The following GABRA3 variants were observed in gnomAD, a reference collection of about 807,000 sequenced individuals.
The protein encoded by GABRA3 is gamma-aminobutyric acid receptor subunit alpha-3.
A neutral mutation model predicts 30.1 loss-of-function variants in GABRA3; 10 were observed. The ratio of observed to expected loss-of-function variants is 0.33; its 90% confidence interval spans 0.20 to 0.56. The LOEUF (loss-of-function observed/expected upper bound fraction) is 0.56, where lower values mean the gene tolerates loss of function less well. Ranked by LOEUF, GABRA3 falls within the 20% of genes least tolerant of loss-of-function variation. GABRA3 has a pLI of 0.89. For missense variants in GABRA3, 233 were observed against 392.0 expected (o/e 0.59, Z 3.42); for synonymous variants, 151 against 146.8 (o/e 1.03, Z -0.21).
At chrX:152,335,334 G>T (rs1940218273) in intron 3 of GABRA3, among the ~76,000 whole-genome samples, 2 of 111,962 alleles carry the variant, frequency 1.8e-5, no homozygotes, top group Admixed American at 1.9e-4. Context: ...GACCATAGAA[G>T]AGAGAGCATC....
At chrX:152,390,889 T>G (rs1162687642) in intron 1 of GABRA3, among the ~76,000 whole-genome samples, 1 of 111,958 alleles carries the variant, frequency 8.9e-6, no homozygotes, top group Non-Finnish European at 1.9e-5. Flanking sequence ...AAAAAGTGAT[T>G]TGTATATAAT....
chrX:152,235,369 G>A (rs1938178949), intron 5 of GABRA3, among the ~76,000 whole-genome samples: 1 of 111,145 alleles, frequency 9.0e-6, no homozygotes, highest in African/African-American at 3.3e-5. Flanking sequence ...TAGAGTCTCT[G>A]GGATTTTGCA....
intron 9 of GABRA3, among the ~76,000 whole-genome samples, chrX:152,180,422 T>C (rs1169697218): frequency 8.9e-6 from 1 of 112,187 alleles, no homozygotes; most frequent in African/African-American, 3.2e-5. Flanking sequence ...GTTGTTTGGG[T>C]TCCTTGTATA....
intron 1 of GABRA3, among the ~76,000 whole-genome samples, chrX:152,431,388 T>C (rs1409846326): frequency 2.7e-5 from 3 of 112,343 alleles, no homozygotes; most frequent in Non-Finnish European, 5.6e-5. Context: ...ATGTCAACAC[T>C]GGAAGAGAGT....
intron 3 of GABRA3, among the ~76,000 whole-genome samples, chrX:152,320,470 G>A (rs1000572433): frequency 8.9e-6 from 1 of 111,873 alleles, no homozygotes; most frequent in Non-Finnish European, 1.9e-5. Context: ...AGTAACTCAG[G>A]AATGGAAAAC....
At chrX:152,291,577 A>T (rs55982481) in intron 3 of GABRA3, among the ~76,000 whole-genome samples, 1 of 110,766 alleles carries the variant, frequency 9.0e-6, no homozygotes, top group Non-Finnish European at 1.9e-5. Context: ...AGAGGGCATC[A>T]CTGTCTTGTG....
intron 4 of GABRA3, among the ~76,000 whole-genome samples, chrX:152,278,064 T>C (rs770183818): frequency 6.1e-4 from 68 of 112,240 alleles, no homozygotes; most frequent in Admixed American, 2.0e-3. Context: ...TTCTCTATTT[T>C]GAAGAAACAT....
At chrX:152,315,425 G>A (rs1939859403) in intron 3 of GABRA3, among the ~76,000 whole-genome samples, 2 of 111,317 alleles carry the variant, frequency 1.8e-5, no homozygotes, top group African/African-American at 6.5e-5. Flanking sequence ...CAGAGAAATT[G>A]GGAAAATACC....
At chrX:152,381,222 C>T (rs193219628) in intron 1 of GABRA3, among the ~76,000 whole-genome samples, 17 of 112,092 alleles carry the variant, frequency 1.5e-4, no homozygotes, top group Admixed American at 3.8e-4. Flanking sequence ...TTATGAATTA[C>T]CCAGCCTCAG....
At chrX:152,394,611 C>A in intron 1 of GABRA3, 1 of 292,369 alleles carries the variant, frequency 3.4e-6, no homozygotes, top group Non-Finnish European at 7.0e-6. Flanking sequence ...ATACATAGTA[C>A]AAAATACTCA....
At chrX:152,183,101 T>G (rs1021473872) in intron 9 of GABRA3, among the ~76,000 whole-genome samples, 3 of 109,074 alleles carry the variant, frequency 2.8e-5, no homozygotes, top group African/African-American at 1.0e-4. Context: ...AGTATTCCCT[T>G]TTCAATTTTT....
At chrX:152,307,675 G>A (rs1275916618) in intron 3 of GABRA3, among the ~76,000 whole-genome samples, 1 of 111,465 alleles carries the variant, frequency 9.0e-6, no homozygotes. Flanking sequence ...GAGGGAAGAT[G>A]CAAAGTCAGG....
At chrX:152,213,487 G>A (rs1937660446) in intron 6 of GABRA3, among the ~76,000 whole-genome samples, 1 of 111,644 alleles carries the variant, frequency 9.0e-6, no homozygotes, top group Non-Finnish European at 1.9e-5. Context: ...TCTCTCTGAG[G>A]GTGGTTTCTA....
intron 4 of GABRA3, among the ~76,000 whole-genome samples, chrX:152,259,473 G>T (rs957133366): frequency 9.0e-6 from 1 of 111,265 alleles, no homozygotes; most frequent in Non-Finnish European, 1.9e-5. Flanking sequence ...AAAAGAGATC[G>T]CTTCCTTCCA....
At chrX:152,208,961 G>A (rs1937606469) in intron 6 of GABRA3, among the ~76,000 whole-genome samples, 1 of 111,904 alleles carries the variant, frequency 8.9e-6, no homozygotes, top group Non-Finnish European at 1.9e-5. Context: ...CCTTGAATAA[G>A]TAAATGAGGC....
At chrX:152,279,387 T>C (rs1401879983) in intron 4 of GABRA3, among the ~76,000 whole-genome samples, 1 of 111,900 alleles carries the variant, frequency 8.9e-6, no homozygotes, top group Non-Finnish European at 1.9e-5. Context: ...CCATTTCTTG[T>C]TTTTGTCAGG....
chrX:152,423,728 T>A (rs1602722536), intron 1 of GABRA3, among the ~76,000 whole-genome samples: 1 of 111,546 alleles, frequency 9.0e-6, no homozygotes, highest in East Asian at 2.8e-4. Context: ...ACATTCCTGA[T>A]ATATGAGGAG....
chrX:152,360,860 G>A (rs1303452421), intron 2 of GABRA3, among the ~76,000 whole-genome samples: 2 of 106,458 alleles, frequency 1.9e-5, no homozygotes, highest in African/African-American at 6.8e-5. Flanking sequence ...ATCTTTTGAG[G>A]TCAGGAGTTT....
chrX:152,393,310 G>C (rs1929543504), intron 1 of GABRA3: 5 of 277,044 alleles, frequency 1.8e-5, no homozygotes, highest in Non-Finnish European at 3.4e-5. Flanking sequence ...TTTTGGAACA[G>C]ATAAACAATG....
Sources: allele counts gnomAD v4.1 joint callset (sites outside exome capture counted in the v4.1 genomes callset), GRCh38; gene constraint gnomAD v4.1.1; transcripts MANE v1.5; gene names NCBI Gene and HGNC (gene_info 2026-07-23, HGNC 2026-07-21).